SPAG17: variants seen among roughly 807,000 people sequenced by gnomAD.
SPAG17 encodes the protein sperm associated antigen 17.
Under a neutral mutation model 273.6 loss-of-function variants are expected in SPAG17, and 169 were observed. The observed-to-expected ratio is 0.62, with a 90% confidence interval of 0.55 to 0.70. The LOEUF (loss-of-function observed/expected upper bound fraction) is 0.70, where lower values mean the gene tolerates loss of function less well. SPAG17 is among the 30% of genes least tolerant of loss of function. SPAG17 has a pLI of 0.00. For missense variants in SPAG17, 2,557 were observed against 2,627.8 expected (o/e 0.97, Z 0.59); for synonymous variants, 825 against 873.2 (o/e 0.94, Z 0.97).
chr1:117,977,832 C>T (rs2101564873), intron 43 of SPAG17, among the ~76,000 whole-genome samples: 1 of 152,260 alleles, frequency 6.6e-6, no homozygotes, highest in Admixed American at 6.5e-5. Flanking sequence ...CATTTACTGA[C>T]CACTCTCGAT....
intron 1 of SPAG17, among the ~76,000 whole-genome samples, chr1:118,157,842 C>T (rs1283610390): frequency 6.6e-6 from 1 of 152,148 alleles, no homozygotes; most frequent in Non-Finnish European, 1.5e-5. Flanking sequence ...CTTCTCAGTA[C>T]AGCACCTAGC....
intron 3 of SPAG17, among the ~76,000 whole-genome samples, chr1:118,117,040 T>A (rs1657128646): frequency 1.3e-5 from 2 of 152,240 alleles, no homozygotes; most frequent in Admixed American, 1.3e-4. Flanking sequence ...GTGAAAGCTG[T>A]CTGACTGGGT....
chr1:118,121,171 T>G (rs893907871), intron 3 of SPAG17, among the ~76,000 whole-genome samples: 1 of 152,034 alleles, frequency 6.6e-6, no homozygotes, highest in Admixed American at 6.5e-5. Flanking sequence ...AAAATGGAAC[T>G]TCCCCTCCAG....
intron 10 of SPAG17, 127 bp from the exon 11 acceptor site, chr1:118,087,135 G>A: frequency 9.9e-7 from 1 of 1,006,772 alleles, no homozygotes; most frequent in South Asian, 2.7e-5. Context: ...TACCACTGAT[G>A]ACACAAAATG....
chr1:118,099,641 ACTG>A lies in SPAG17; in HGVS notation c.791_793del (p.Ala264del), dbSNP rs755549205. 2 of 1,614,068 alleles carry A rather than the reference ACTG, an allele frequency of 1.2e-6. No individual in the cohort carries two copies. Among genetic ancestry groups the A allele is most frequent in the South Asian group, 2.2e-5 (2 of 91,062 alleles). The stretch of plus-strand genomic sequence containing the variant: ...AAGAAGAACTTCCTGCTGCTGGTTA[ACTG>A]CTGCCAGGTGTGTCTGCAGAGGTTC... On this transcript the variant is annotated inframe_deletion, in exon 6 of 49. Transcript: ENST00000336338.
chr1:118,029,774 C>T (rs533444906), intron 25 of SPAG17, among the ~76,000 whole-genome samples: 48 of 152,212 alleles, frequency 3.2e-4, no homozygotes, highest in Middle Eastern at 6.8e-3. Flanking sequence ...ATCACTCCAC[C>T]GGTACCCAAT....
At chr1:118,030,314 T>A (rs964841768) in intron 25 of SPAG17, among the ~76,000 whole-genome samples, 51 of 152,178 alleles carry the variant, frequency 3.4e-4, no homozygotes, top group Admixed American at 7.9e-4. Context: ...TTCCAGTAGT[T>A]GATTATTTGT....
intron 28 of SPAG17, among the ~76,000 whole-genome samples, chr1:118,019,708 A>T (rs1454053912): frequency 6.6e-6 from 1 of 152,216 alleles, no homozygotes; most frequent in Non-Finnish European, 1.5e-5. Flanking sequence ...AATCACAGGG[A>T]ATATTTTAAA....
rs538414388 is a variant in SPAG17 at position 117,958,407 on chromosome 1, A to G, written c.*1-4358T>C. Among the ~76,000 whole-genome samples, 191 of 152,324 alleles carry G rather than the reference A, an allele frequency of 1.3e-3. 2 individuals carry two copies. Among genetic ancestry groups the G allele is most frequent in the South Asian group, 0.011 (53 of 4,828 alleles). ...TAGGGTTGCTGGTTCTACGAGTAAC[A>G]CTGTGAATACTTATAGCGTATCAGA... On this transcript the variant is annotated intron_variant, in intron 48 of 48. Coordinates refer to ENST00000336338, the MANE Select transcript of SPAG17 (RefSeq NM_206996.4).
intron 48 of SPAG17, among the ~76,000 whole-genome samples, chr1:117,956,307 A>T (rs1052399003): frequency 3.3e-5 from 5 of 152,180 alleles, no homozygotes; most frequent in Non-Finnish European, 7.4e-5. Context: ...ACATTTTTGC[A>T]ATAATTGTTA....
intron 18 of SPAG17, among the ~76,000 whole-genome samples, chr1:118,057,147 T>G (rs1651791859): frequency 6.6e-6 from 1 of 152,094 alleles, no homozygotes; most frequent in Non-Finnish European, 1.5e-5. Context: ...CGGCTTCTTA[T>G]TTTCTTATAT....
intron 10 of SPAG17, 104 bp from the exon 11 acceptor site, chr1:118,087,112 T>G (rs1655057418): frequency 1.5e-6 from 2 of 1,319,774 alleles, no homozygotes; most frequent in African/African-American, 2.9e-5. Flanking sequence ...CCAGTCCATT[T>G]CTGGGACCCA....
At chr1:118,163,800 G>A (rs1366425742) in intron 1 of SPAG17, among the ~76,000 whole-genome samples, 1 of 151,968 alleles carries the variant, frequency 6.6e-6, no homozygotes. Flanking sequence ...AGGCCATAAT[G>A]TCCTTAATCC....
chr1:118,046,395 T>C (rs914244654), intron 20 of SPAG17, among the ~76,000 whole-genome samples: 58 of 152,212 alleles, frequency 3.8e-4, no homozygotes, highest in African/African-American at 1.3e-3. Context: ...ATGATAATGT[T>C]TAATTTGTAG....
intron 3 of SPAG17, among the ~76,000 whole-genome samples, chr1:118,118,051 C>A (rs1657195762): frequency 6.6e-6 from 1 of 152,142 alleles, no homozygotes; most frequent in African/African-American, 2.4e-5. Context: ...CCATAATTAA[C>A]AATTCTACCC....
At chr1:117,962,335 G>A (rs1315910711) in intron 48 of SPAG17, 1 of 152,172 alleles carries the variant, frequency 6.6e-6, no homozygotes, top group African/African-American at 2.4e-5. Context: ...CAAATTTCTA[G>A]TCATTAAGTC....
At chr1:118,049,151 A>G (rs1270145970) in intron 20 of SPAG17, among the ~76,000 whole-genome samples, 4 of 152,204 alleles carry the variant, frequency 2.6e-5, no homozygotes, top group Admixed American at 6.5e-5. Context: ...AAACATTTAA[A>G]GAACTAATAC....
At chr1:118,168,355 C>T (rs766222249) in intron 1 of SPAG17, among the ~76,000 whole-genome samples, 9 of 152,038 alleles carry the variant, frequency 5.9e-5, no homozygotes, top group Non-Finnish European at 8.8e-5. Flanking sequence ...TTTTCAGCAA[C>T]GTTTTCAATA....
chr1:118,136,380 G>A (rs1570756828), intron 3 of SPAG17, among the ~76,000 whole-genome samples: 3 of 152,068 alleles, frequency 2.0e-5, no homozygotes, highest in Non-Finnish European at 4.4e-5. Context: ...CACTCTCCCC[G>A]AATGCATGTA....
Sources: gnomAD v4.1 joint callset for allele counts (sites outside exome capture counted in the v4.1 genomes callset) on GRCh38, gnomAD v4.1.1 for gene constraint, MANE v1.5 for transcripts, NCBI Gene and HGNC (gene_info 2026-07-23, HGNC 2026-07-21) for gene names.